Variants in CTTNBP2 observed in about 807,000 individuals in gnomAD.
CTTNBP2 encodes cortactin binding protein 2, also known as cortactin-binding protein 2.
CTTNBP2 carries 108 observed loss-of-function variants against 156.9 expected under a neutral mutation model. That is an observed-to-expected ratio of 0.69 (90% confidence interval 0.59 to 0.81). The LOEUF (loss-of-function observed/expected upper bound fraction) is 0.81, where lower values mean the gene tolerates loss of function less well. Ranked by LOEUF, CTTNBP2 falls within the 30% of genes least tolerant of loss-of-function variation. The pLI is 0.00. For synonymous variants in CTTNBP2, 767 were observed against 751.8 expected, an observed-to-expected ratio of 1.02 and a Z score of -0.33; for missense variants, 1,924 against 2,035.4, an observed-to-expected ratio of 0.95 and a Z score of 1.05.
At chr7:117,848,644 C>T (rs1041583970) in intron 2 of CTTNBP2, among the ~76,000 whole-genome samples, 1 of 152,166 alleles carries the variant, frequency 6.6e-6, no homozygotes, top group Non-Finnish European at 1.5e-5. Flanking sequence ...TTTTATTTTC[C>T]GTTTTAATTG....
intron 2 of CTTNBP2, among the ~76,000 whole-genome samples, chr7:117,845,332 T>C (rs1211786616): frequency 6.6e-6 from 1 of 152,162 alleles, no homozygotes. Flanking sequence ...ACTCACAATA[T>C]ATTAAGAATG....
chr7:117,851,316 G>C (rs1389416609), intron 2 of CTTNBP2, among the ~76,000 whole-genome samples: 1 of 152,102 alleles, frequency 6.6e-6, no homozygotes, highest in Non-Finnish European at 1.5e-5. Context: ...ATGCACTCAT[G>C]CTGGAGGAGA....
chr7:117,836,720 G>A (rs748233041), intron 2 of CTTNBP2, among the ~76,000 whole-genome samples: 7 of 152,186 alleles, frequency 4.6e-5, no homozygotes, highest in Non-Finnish European at 7.3e-5. Flanking sequence ...ATTTATACAG[G>A]AAAGGGGTTT....
At chr7:117,837,701 A>G (rs1489519880) in intron 2 of CTTNBP2, among the ~76,000 whole-genome samples, 4 of 152,154 alleles carry the variant, frequency 2.6e-5, no homozygotes, top group African/African-American at 7.2e-5. Flanking sequence ...TTCGTGCATG[A>G]AAGTTTTGTG....
At chr7:117,779,161 C>T (rs1328947674) in intron 7 of CTTNBP2, among the ~76,000 whole-genome samples, 1 of 152,114 alleles carries the variant, frequency 6.6e-6, no homozygotes, top group Non-Finnish European at 1.5e-5. Flanking sequence ...TCCATTCAGG[C>T]GTGTTCTTCA....
At chr7:117,810,120 AG>A (rs1411112759) in intron 3 of CTTNBP2, among the ~76,000 whole-genome samples, 9 of 151,464 alleles carry the variant, frequency 5.9e-5, no homozygotes, top group Admixed American at 5.3e-4. Flanking sequence ...ATGGTGGGGG[AG>A]GGGGAGAGGA....
At chr7:117,743,894 C>T (rs1444419597) in intron 14 of CTTNBP2, among the ~76,000 whole-genome samples, 1 of 151,504 alleles carries the variant, frequency 6.6e-6, no homozygotes, top group Non-Finnish European at 1.5e-5. Flanking sequence ...ATTTCTAGCC[C>T]AAGACTGGCC....
chr7:117,802,437 C>CAAAA (rs759797673), intron 3 of CTTNBP2, among the ~76,000 whole-genome samples: 17 of 83,752 alleles, frequency 2.0e-4, no homozygotes, highest in Non-Finnish European at 4.1e-4. Flanking sequence ...TCAGCATTGG[C>CAAAA]AAAAAAAAAA....
intron 2 of CTTNBP2, among the ~76,000 whole-genome samples, chr7:117,825,275 T>C (rs1189829414): frequency 6.6e-6 from 1 of 152,198 alleles, no homozygotes; most frequent in East Asian, 1.9e-4. Flanking sequence ...AGGAAAAGTC[T>C]CTCATCGTCT....
intron 3 of CTTNBP2, among the ~76,000 whole-genome samples, chr7:117,802,000 G>A (rs1799636580): frequency 6.6e-6 from 1 of 151,164 alleles, no homozygotes; most frequent in South Asian, 2.1e-4. Flanking sequence ...CTGGTGCGCT[G>A]CACCCACTAA....
At chr7:117,810,555 T>C (rs1800212431) in intron 3 of CTTNBP2, among the ~76,000 whole-genome samples, 1 of 152,202 alleles carries the variant, frequency 6.6e-6, no homozygotes, top group African/African-American at 2.4e-5. Flanking sequence ...AATTTTTCTG[T>C]TATACTTCCT....
In CTTNBP2 at chr7:117,796,025, C is replaced by T. The variant is rs190218196; in HGVS notation, c.415-3244G>A. ...CCAGTGACCACTCAACTGACTTAGT[C>T]TCTCTTTACAGACTCCTTTATCAAA... On this transcript the variant is annotated intron_variant, in intron 3 of 22. Transcript: ENST00000160373. Among the ~76,000 whole-genome samples the T allele has an allele frequency of 1.3e-3, 192 of 152,318 alleles. 1 individual carries two copies. The highest frequency in any genetic ancestry group is 4.4e-3 in the African/African-American group (185 of 41,580).
intron 4 of CTTNBP2, among the ~76,000 whole-genome samples, chr7:117,789,429 G>A (rs1798874646): frequency 6.6e-6 from 1 of 152,086 alleles, no homozygotes; most frequent in African/African-American, 2.4e-5. Flanking sequence ...CACATTTCTG[G>A]AACTTGTGTT....
Position 117,711,285 on chromosome 7 carries a change from C to G in CTTNBP2, c.*252G>C. ...CTTGATTAAAACTATTACAATTTTT[C>G]TATTATAAAACTACTTGAAAAGTTG... On this transcript the variant is annotated 3_prime_UTR_variant, in exon 23 of 23. Coordinates refer to ENST00000160373, the MANE Select transcript of CTTNBP2 (RefSeq NM_033427.3). 5.1e-6 allele frequency: 2 copies of G among 388,770 alleles called. No individual in the cohort carries two copies. The highest frequency in any genetic ancestry group is 9.3e-6 in the Non-Finnish European group (2 of 215,872). The allele number at this position is 388,770 out of a possible 1,614,324, so 24.1% of individuals were successfully genotyped here.
chr7:117,873,306 C>T (rs1474384064), intron 1 of CTTNBP2, 29 bp downstream of exon 1: 2 of 1,415,460 alleles, frequency 1.4e-6, no homozygotes, highest in Non-Finnish European at 9.2e-7. Flanking sequence ...TCTACACTAG[C>T]CCCGCGCCCG....
chr7:117,793,969 G>A (rs958266165), intron 3 of CTTNBP2, among the ~76,000 whole-genome samples: 1 of 152,104 alleles, frequency 6.6e-6, no homozygotes, highest in Non-Finnish European at 1.5e-5. Flanking sequence ...TCCCACCCTT[G>A]TGTTTATCAA....
chr7:117,792,591 T>C lies in CTTNBP2; in HGVS notation c.605A>G (p.Glu202Gly). ...TTCTAATTCATTCGTCTTTTTCTTTTCCTCTTCCAGTTTGGCCATTACGTC... is the reference window on the plus strand; with the variant it reads ...TTCTAATTCATTCGTCTTTTTCTTTCCCTCTTCCAGTTTGGCCATTACGTC... ...LEDVMAKLEE[E>G]KKKTNELEEE... The change falls in exon 4 of 23, where the codon GAA becomes GGA. Residue 202 changes from glutamate (E) to glycine (G), a missense_variant. Glu to Gly is a moderately conservative substitution (Grantham distance 98, BLOSUM62 -2). Transcript: ENST00000160373. This position sits in a 1 kb window ranked among gnomAD's most constrained non-coding sequence, Gnocchi z 4.2. 6.2e-7 allele frequency: 1 copy of C among 1,614,202 alleles called. No individual in the cohort carries two copies. Among genetic ancestry groups the C allele is most frequent in the Non-Finnish European group, 8.5e-7 (1 of 1,180,044 alleles).
chr7:117,737,288 A>G (rs545581913), intron 14 of CTTNBP2, among the ~76,000 whole-genome samples: 8 of 152,318 alleles, frequency 5.3e-5, no homozygotes, highest in Admixed American at 2.6e-4. Flanking sequence ...GAAAACTAAC[A>G]AACATTTTTA....
At chr7:117,843,128 A>T (rs950637131) in intron 2 of CTTNBP2, among the ~76,000 whole-genome samples, 25 of 152,220 alleles carry the variant, frequency 1.6e-4, no homozygotes, top group Admixed American at 1.2e-3. Flanking sequence ...CAGTATAACA[A>T]CTTTTTACAG....
Sources: gnomAD v4.1 joint callset for allele counts (sites outside exome capture counted in the v4.1 genomes callset) on GRCh38, gnomAD v4.1.1 for gene constraint, Gnocchi (gnomAD v3.1) non-coding constraint, MANE v1.5 for transcripts, NCBI Gene and HGNC (gene_info 2026-07-23, HGNC 2026-07-21) for gene names.